SNX27: variants seen among roughly 807,000 people sequenced by gnomAD.
SNX27 encodes the protein sorting nexin 27, also known as sorting nexin-27.
A neutral mutation model predicts 71.6 loss-of-function variants in SNX27; 22 were observed. The ratio of observed to expected loss-of-function variants is 0.31; its 90% CI spans 0.22 to 0.44. SNX27 has a LOEUF of 0.44. SNX27 is among the 20% of genes least tolerant of loss of function. SNX27 has a pLI of 1.00. For synonymous variants in SNX27, 269 were observed against 277.2 expected (o/e 0.97, Z 0.29); for missense variants, 531 against 698.6 (o/e 0.76, Z 2.70).
At chr1:151,669,670 T>G (rs1301123525) in intron 7 of SNX27, among the ~76,000 whole-genome samples, 1 of 152,222 alleles carries the variant, frequency 6.6e-6, no homozygotes, top group Non-Finnish European at 1.5e-5. Flanking sequence ...ACATTGTTTG[T>G]TTTGTTTTGC....
At chr1:151,634,578 A>T (rs1262054411) in intron 1 of SNX27, among the ~76,000 whole-genome samples, 1 of 152,194 alleles carries the variant, frequency 6.6e-6, no homozygotes, top group Admixed American at 6.5e-5. Context: ...GCCTCTCTCT[A>T]TTGGGGCCAA....
intron 2 of SNX27, among the ~76,000 whole-genome samples, 160 bp from the exon 3 acceptor site, chr1:151,658,075 G>A (rs1023584959): frequency 6.6e-6 from 1 of 152,114 alleles, no homozygotes; most frequent in African/African-American, 2.4e-5. Context: ...CTTTATGCAT[G>A]TTTGTCAAAA....
intron 5 of SNX27, among the ~76,000 whole-genome samples, chr1:151,665,117 A>G (rs1670134914): frequency 6.6e-6 from 1 of 152,212 alleles, no homozygotes; most frequent in African/African-American, 2.4e-5. Context: ...CAACAAAACA[A>G]TGGCATGAAA....
intron 1 of SNX27, among the ~76,000 whole-genome samples, chr1:151,637,369 A>C (rs1026098714): frequency 6.6e-6 from 1 of 151,348 alleles, no homozygotes; most frequent in Non-Finnish European, 1.5e-5. Context: ...TAGTAGAGAC[A>C]GGGTTTCACC....
intron 1 of SNX27, among the ~76,000 whole-genome samples, chr1:151,638,451 G>A (rs1034190353): frequency 6.6e-6 from 1 of 152,176 alleles, no homozygotes; most frequent in African/African-American, 2.4e-5. Flanking sequence ...TTTTGTGAAG[G>A]TTCTTTTAAC....
intron 1 of SNX27, among the ~76,000 whole-genome samples, chr1:151,618,093 T>G (rs1462175647): frequency 6.6e-6 from 1 of 151,548 alleles, no homozygotes; most frequent in African/African-American, 2.4e-5. Flanking sequence ...CTTGAACCCC[T>G]GGCCTCAAGT....
At chr1:151,656,007 A>AG (rs1669665797) in intron 2 of SNX27, among the ~76,000 whole-genome samples, 1 of 152,118 alleles carries the variant, frequency 6.6e-6, no homozygotes, top group Non-Finnish European at 1.5e-5. Context: ...GTGGATCACG[A>AG]GCTCAAGAGA....
At chr1:151,663,766 A>G (rs186660061) in intron 5 of SNX27, among the ~76,000 whole-genome samples, 95 of 152,330 alleles carry the variant, frequency 6.2e-4, no homozygotes, top group African/African-American at 2.2e-3. Context: ...ATCCCATTTT[A>G]GTGGTACTGA....
intron 1 of SNX27, among the ~76,000 whole-genome samples, chr1:151,625,483 G>A (rs1246422112): frequency 6.6e-6 from 1 of 151,046 alleles, no homozygotes; most frequent in Non-Finnish European, 1.5e-5. Flanking sequence ...TCCAGCCTGG[G>A]TGACAGAGCA....
chr1:151,614,407 T>G (rs573561707), intron 1 of SNX27: 2 of 152,568 alleles, frequency 1.3e-5, no homozygotes, highest in South Asian at 2.1e-4. Flanking sequence ...CACTGCAACC[T>G]CCGCCTCCCG....
chr1:151,667,897 T>C (rs1179514214), intron 6 of SNX27, among the ~76,000 whole-genome samples: 1 of 151,952 alleles, frequency 6.6e-6, no homozygotes, highest in South Asian at 2.1e-4. Flanking sequence ...GATTAGATAT[T>C]TTAACTAAAT....
At chr1:151,667,017 C>G (rs532305159) in intron 6 of SNX27, 102 of 151,766 alleles carry the variant, frequency 6.7e-4, no homozygotes, top group African/African-American at 2.3e-3. Context: ...TTTGGGAGGC[C>G]GAGGCAGGAG....
rs1345063642 is a variant in SNX27 at position 151,683,450 on chromosome 1, G to GT, written c.1239+8dup. The GT allele has an allele frequency of 6.2e-7, 1 of 1,608,390 alleles. No individual in the cohort carries two copies. Among genetic ancestry groups the GT allele is most frequent in the Admixed American group, 1.7e-5 (1 of 59,756 alleles). On this transcript the variant is annotated splice_donor_region_variant and intron_variant, in intron 8 of 11. Coordinates refer to ENST00000458013, the MANE Select transcript of SNX27 (RefSeq NM_001330723.2). The stretch of plus-strand genomic sequence containing the variant: ...GAACAAAGAAAAATGGTCATGGTAA[G>GT]TTTATGTCCCCATAATCCCTTTAAA...
chr1:151,637,220 G>T (rs183755127), intron 1 of SNX27, among the ~76,000 whole-genome samples: 1 of 147,032 alleles, frequency 6.8e-6, no homozygotes, highest in Non-Finnish European at 1.5e-5. Context: ...GCTGGAGTGC[G>T]GAGTGCAGAG....
At chr1:151,636,856 C>T (rs1489237037) in intron 1 of SNX27, among the ~76,000 whole-genome samples, 1 of 151,910 alleles carries the variant, frequency 6.6e-6, no homozygotes, top group East Asian at 1.9e-4. Context: ...TTAAGATTTC[C>T]ATTTCTTCTT....
At position 151,674,114 on chromosome 1, in the gene SNX27, T is replaced by C. The variant is rs562647280; in HGVS notation, c.1149+5479T>C. Among the ~76,000 whole-genome samples, 12 of 152,322 alleles carry C rather than the reference T, an allele frequency of 7.9e-5. No individual in the cohort carries two copies. In the East Asian group the frequency reaches 2.3e-3, roughly 29 times the overall value. ...TTATGGTCGTTTTGTGATCATCTTT[T>C]CCTTCTTTCCTTCCTTCCTGTCTTC... On this transcript the variant is annotated intron_variant, in intron 7 of 11. Coordinates refer to ENST00000458013, the MANE Select transcript of SNX27 (RefSeq NM_001330723.2).
chr1:151,675,742 A>G (rs943926451), intron 7 of SNX27: 2 of 138,832 alleles, frequency 1.4e-5, no homozygotes, highest in Admixed American at 1.5e-4. Flanking sequence ...CTCTTGTAAT[A>G]TCACTTTTTG....
rs144336311 is a variant in SNX27 at position 151,683,443 on chromosome 1, A to G, written c.1237A>G (p.Met413Val). 25 of 1,612,196 alleles carry G rather than the reference A, an allele frequency of 1.6e-5. No homozygotes were observed. Among genetic ancestry groups the G allele is most frequent in the Non-Finnish European group, 2.0e-5 (24 of 1,178,990 alleles). Residue 413 changes from methionine to valine, a missense_variant and splice_region_variant, in exon 8 of 12, where the codon ATG becomes GTG. Met to Val is a conservative substitution (Grantham distance 21). This residue lies in a region of SNX27 where 157 missense variants were observed against 178.4 expected (regional missense o/e 0.88). Coordinates refer to ENST00000458013, the MANE Select transcript of SNX27 (RefSeq NM_001330723.2). ...QKLYEQRKMVMYLNMLRTCEG... is the reference protein window; with the variant it reads ...QKLYEQRKMVVYLNMLRTCEG... Reference sequence around the variant, plus strand: ...GCTATACGAACAAAGAAAAATGGTCATGGTAAGTTTATGTCCCCATAATCC... The same window carrying G: ...GCTATACGAACAAAGAAAAATGGTCGTGGTAAGTTTATGTCCCCATAATCC...
intron 1 of SNX27, among the ~76,000 whole-genome samples, chr1:151,637,021 GAA>G (rs1668487821): frequency 6.6e-6 from 1 of 152,214 alleles, no homozygotes. Flanking sequence ...GCAAGGCTAA[GAA>G]AGGTTAAAAA....
Sources: gnomAD v4.1 joint callset for allele counts (sites outside exome capture counted in the v4.1 genomes callset) on GRCh38, gnomAD v4.1.1 for gene constraint, gnomAD v4.1.1 regional missense constraint, MANE v1.5 for transcripts, NCBI Gene and HGNC (gene_info 2026-07-23, HGNC 2026-07-21) for gene names.